The following WWC1 variants were observed in gnomAD, a reference collection of about 807,000 sequenced individuals.
WWC1 encodes the protein WW and C2 domain containing 1.
WWC1 carries 55 observed loss-of-function variants against 138.4 expected under a neutral mutation model. That is an observed-to-expected ratio of 0.40 (90% CI 0.32 to 0.50). The LOEUF (loss-of-function observed/expected upper bound fraction) is 0.50. Ranked by LOEUF, WWC1 falls within the 20% of genes least tolerant of loss-of-function variation. The pLI is 0.72. For synonymous variants in WWC1, 524 were observed against 564.9 expected (o/e 0.93, Z 1.03); for missense variants, 1,226 against 1,420.4 (o/e 0.86, Z 2.20).
intron 1 of WWC1, among the ~76,000 whole-genome samples, chr5:168,354,926 A>C (rs1775277493): frequency 6.6e-6 from 1 of 152,188 alleles, no homozygotes; most frequent in Non-Finnish European, 1.5e-5. Context: ...TTCAGGAGGT[A>C]AAAAGCAAGA....
At chr5:168,448,855 G>A (rs1473179488) in intron 17 of WWC1, among the ~76,000 whole-genome samples, 1 of 151,932 alleles carries the variant, frequency 6.6e-6, no homozygotes, top group Non-Finnish European at 1.5e-5. Flanking sequence ...TCCTGACCTC[G>A]TGATCTGCCC....
At position 168,322,840 on chromosome 5, in the gene WWC1, A is replaced by G. The variant is rs533498911; in HGVS notation, c.119+30569A>G. On this transcript the variant is annotated intron_variant, in intron 1 of 22. Coordinates refer to ENST00000265293, the MANE Select transcript of WWC1 (RefSeq NM_015238.3). Reference sequence around the variant, plus strand: ...ATCCTTAAAATCACTTCATAGCCTAACAATGCTTCAAAACAATTCTCAAGA... The same window carrying G: ...ATCCTTAAAATCACTTCATAGCCTAGCAATGCTTCAAAACAATTCTCAAGA... Among the ~76,000 whole-genome samples the G allele has an allele frequency of 3.3e-5, 5 of 152,324 alleles. No individual in the cohort carries two copies. In the East Asian group the frequency reaches 9.6e-4, roughly 29 times the overall value.
chr5:168,335,282 G>A (rs1581951368), intron 1 of WWC1, among the ~76,000 whole-genome samples: 1 of 152,162 alleles, frequency 6.6e-6, no homozygotes, highest in Non-Finnish European at 1.5e-5. Context: ...CATCCCAGCA[G>A]CAGTTCTCCT....
intron 5 of WWC1, among the ~76,000 whole-genome samples, chr5:168,403,134 G>A (rs756698883): frequency 5.0e-4 from 73 of 146,984 alleles, no homozygotes; most frequent in Non-Finnish European, 8.9e-4. Flanking sequence ...GTCTTGCCCT[G>A]TCACCCAGGC....
At position 168,406,379 on chromosome 5, in the gene WWC1, C is replaced by T. The variant is rs781283821; in HGVS notation, c.720+52C>T. ...GCCATCTTGATTTCTCCTGAGTATT[C>T]CTGTATGCCAGTCGTATGCGGGCTA... On this transcript the variant is annotated intron_variant, in intron 6 of 22. Transcript: ENST00000265293. 1.5e-5 allele frequency: 24 copies of T among 1,606,398 alleles called. No individual in the cohort carries two copies. In the South Asian group the frequency reaches 2.7e-4, roughly 18 times the overall value.
At chr5:168,355,450 C>T (rs1016055668) in intron 1 of WWC1, among the ~76,000 whole-genome samples, 3 of 144,228 alleles carry the variant, frequency 2.1e-5, no homozygotes, top group South Asian at 2.3e-4. Flanking sequence ...GCTGAGATCG[C>T]GCCACTACAC....
At chr5:168,363,093 C>T (rs560602078) in intron 1 of WWC1, among the ~76,000 whole-genome samples, 25 of 152,204 alleles carry the variant, frequency 1.6e-4, no homozygotes, top group South Asian at 6.2e-4. Context: ...GGGTAGAGAA[C>T]AAGAGGAAGG....
rs1679839200 is a variant in WWC1 at position 168,430,167 on chromosome 5, A to G, written c.2031A>G (p.Ile677Met). The G allele has an allele frequency of 2.5e-6, 4 of 1,614,050 alleles. No individual in the cohort carries two copies. The Admixed American group carries it at 5.0e-5, about 20-fold the overall frequency. The change falls in exon 14 of 23, where the codon ATA becomes ATG. Residue 677 changes from isoleucine (I) to methionine (M), a missense_variant. Ile to Met is a conservative substitution (Grantham distance 10, BLOSUM62 1). Coordinates refer to ENST00000265293, the MANE Select transcript of WWC1 (RefSeq NM_015238.3). ...ATGAGAAGAATAAGCAATTTGCAAT[A>G]TTAATCATCCAGCTGAGTAACCTTT... ...KYDEKNKQFA[I>M]LIIQLSNLSA...
intron 1 of WWC1, among the ~76,000 whole-genome samples, chr5:168,327,337 A>G (rs910795124): frequency 1.3e-5 from 2 of 152,078 alleles, no homozygotes; most frequent in Non-Finnish European, 2.9e-5. Context: ...GGTTTCTGAC[A>G]TGTATGTCTC....
intron 8 of WWC1, among the ~76,000 whole-genome samples, chr5:168,411,117 C>T (rs1486864128): frequency 2.0e-5 from 3 of 151,804 alleles, no homozygotes; most frequent in Non-Finnish European, 4.4e-5. Context: ...TTAGTAGAGA[C>T]GGGGTTTCAC....
At chr5:168,450,339 GA>G (rs899957314) in intron 17 of WWC1, among the ~76,000 whole-genome samples, 4 of 149,606 alleles carry the variant, frequency 2.7e-5, no homozygotes, top group African/African-American at 4.9e-5. Flanking sequence ...TATTCATATG[GA>G]AAAAAAAAAC....
At chr5:168,386,274 A>T (rs895444595) in intron 3 of WWC1, among the ~76,000 whole-genome samples, 2 of 151,544 alleles carry the variant, frequency 1.3e-5, no homozygotes, top group African/African-American at 4.9e-5. Flanking sequence ...CTTGTATGTT[A>T]TCAGTATTTC....
rs961022078 is a variant in WWC1, at chr5:168,292,111, G to C, written c.-42G>C. On this transcript the variant is annotated 5_prime_UTR_variant, in exon 1 of 23. Transcript: ENST00000265293. The surrounding 1 kb of genome is among the most constrained non-coding windows in gnomAD (Gnocchi z 4.4). ...GCTGGAGCCGCTGAGCCCCCGCTGC[G>C]GCCGGGAGCTGCATGGGGGAGCGCC... The C allele has an allele frequency of 6.7e-7, 1 of 1,491,690 alleles. No individual in the cohort carries two copies. Among genetic ancestry groups the C allele is most frequent in the Non-Finnish European group, 8.9e-7 (1 of 1,121,764 alleles). The allele number at this position is 1,491,690 out of a possible 1,614,324, so 92.4% of individuals were successfully genotyped here.
At chr5:168,413,611 T>C (rs538076165) in intron 8 of WWC1, among the ~76,000 whole-genome samples, 1 of 152,308 alleles carries the variant, frequency 6.6e-6, no homozygotes, top group South Asian at 2.1e-4. Context: ...AAATGCTTTC[T>C]TGAGAAATGG....
chr5:168,381,333 G>A lies in WWC1; in HGVS notation c.230-3878G>A, dbSNP rs142662547. ...TCCAGATGAAATCCAGAACACTGTG[G>A]GAGGGTCCACCTAGGTGTCGCTTAG... On this transcript the variant is annotated intron_variant, in intron 2 of 22. Transcript: ENST00000265293. 3.2e-4 allele frequency among the ~76,000 whole-genome samples: 49 copies of A among 152,270 alleles called. No individual in the cohort carries two copies. The East Asian group carries it at 5.4e-3, about 17-fold the overall frequency.
chr5:168,385,391 A>C lies in WWC1; in HGVS notation c.410A>C (p.His137Pro). 2 of 1,613,868 alleles carry C rather than the reference A, an allele frequency of 1.2e-6. No individual in the cohort carries two copies. The highest frequency in any genetic ancestry group is 1.7e-6 in the Non-Finnish European group (2 of 1,179,962). ...CAGCAACTGCATGCCGTCTGGGAGC[A>C]TAAGCTGGGCTCCCAGGTCAGCTGT... ...EYQQLHAVWE[H>P]KLGSQVSLVS... The change falls in exon 3 of 23, where the codon CAT (histidine) becomes CCT (proline). Residue 137 changes from histidine to proline, a missense_variant. By Grantham distance (77) the His-to-Pro change is moderately conservative. This residue lies in a region of WWC1 where 1,016 missense variants were observed against 1,153.9 expected (regional missense o/e 0.88). Transcript: ENST00000265293.
chr5:168,462,249 G>A (rs1224558679), intron 20 of WWC1, among the ~76,000 whole-genome samples: 1 of 144,030 alleles, frequency 6.9e-6, no homozygotes, highest in Non-Finnish European at 1.5e-5. Flanking sequence ...AGAGAGGAGA[G>A]AGACAGCAAC....
At chr5:168,392,040 A>G (rs934353923) in intron 3 of WWC1, among the ~76,000 whole-genome samples, 3 of 152,028 alleles carry the variant, frequency 2.0e-5, no homozygotes, top group African/African-American at 7.2e-5. Flanking sequence ...TGTTTCTAAG[A>G]CAATTAGACC....
At chr5:168,442,520 A>G (rs186183612) in intron 16 of WWC1, among the ~76,000 whole-genome samples, 2 of 151,644 alleles carry the variant, frequency 1.3e-5, no homozygotes, top group East Asian at 1.9e-4. Context: ...GCACTTGGTA[A>G]CTGTTCCATT....
Sources: gnomAD v4.1 joint callset for allele counts (sites outside exome capture counted in the v4.1 genomes callset) on GRCh38, gnomAD v4.1.1 for gene constraint, gnomAD v4.1.1 regional missense constraint, Gnocchi (gnomAD v3.1) non-coding constraint, MANE v1.5 for transcripts, NCBI Gene and HGNC (gene_info 2026-07-23, HGNC 2026-07-21) for gene names.